Variants in ZNF341 observed in about 807,000 individuals in gnomAD.
ZNF341 encodes the protein zinc finger protein 341.
In ZNF341, 52 loss-of-function variants were observed where a neutral mutation model predicts 87.7. The observed-to-expected ratio is 0.59, with a 90% CI of 0.47 to 0.75. ZNF341 has a LOEUF of 0.75. Among genes scored for constraint, ZNF341 ranks in the 30% least tolerant of loss-of-function variants. The pLI, the probability that ZNF341 is intolerant of heterozygous loss-of-function variation, is 0.00. For synonymous variants in ZNF341, 459 were observed against 472.7 expected (o/e 0.97, Z 0.38); for missense variants, 977 against 1,145.9 (o/e 0.85, Z 2.13).
At position 33,745,170 on chromosome 20, in the gene ZNF341, C is replaced by T. The variant is rs187557230; in HGVS notation, c.210C>T (p.Thr70=). 38 of 1,614,178 alleles carry T rather than the reference C, an allele frequency of 2.4e-5. No individual in the cohort carries two copies. The East Asian group carries it at 8.5e-4, about 36-fold the overall frequency. Residue 70 remains threonine, a synonymous_variant, in exon 3 of 15, where the codon ACC becomes ACT. Coordinates refer to ENST00000375200, the MANE Select transcript of ZNF341 (RefSeq NM_001282933.2). ...KQFNSLPAFM[T]HKREQCQGNA... The stretch of plus-strand genomic sequence containing the variant: ...TCAACTCGCTGCCAGCGTTTATGAC[C>T]CACAAGCGGGAACAGTGCCAGGGGA...
At chr20:33,752,108 G>GC (rs11477069) in intron 4 of ZNF341, 22,458 of 341,092 alleles carry the variant, frequency 0.066, 448 homozygotes, top group East Asian at 0.087. Context: ...CTGCAAGCAA[G>GC]CCCCCCCCCC....
At chr20:33,771,080 T>C (rs1012420329) in intron 10 of ZNF341, among the ~76,000 whole-genome samples, 1 of 151,830 alleles carries the variant, frequency 6.6e-6, no homozygotes, top group Non-Finnish European at 1.5e-5. Context: ...TGAGACCGTG[T>C]CACTGCACTC....
intron 1 of ZNF341, among the ~76,000 whole-genome samples, chr20:33,736,916 TGA>T (rs989743807): frequency 6.6e-6 from 1 of 151,444 alleles, no homozygotes; most frequent in African/African-American, 2.4e-5. Context: ...GAGGCAGAGG[TGA>T]GAGAGTCCAG....
intron 1 of ZNF341, among the ~76,000 whole-genome samples, chr20:33,736,434 C>T (rs2018686401): frequency 6.6e-6 from 1 of 152,148 alleles, no homozygotes; most frequent in Non-Finnish European, 1.5e-5. Flanking sequence ...AATAGCCCTT[C>T]CCCAAAACTA....
chr20:33,783,708 C>T, intron 11 of ZNF341, 24 bp from the exon 12 acceptor site: 1 of 1,613,620 alleles, frequency 6.2e-7, no homozygotes, highest in South Asian at 1.1e-5. Flanking sequence ...TGAGTCAGAC[C>T]TGAAGGCCCC....
At chr20:33,782,871 A>C (rs2019771619) in intron 11 of ZNF341, among the ~76,000 whole-genome samples, 1 of 152,202 alleles carries the variant, frequency 6.6e-6, no homozygotes, top group Non-Finnish European at 1.5e-5. Context: ...TCATACAAAA[A>C]TTAGCTGGGT....
intron 12 of ZNF341, among the ~76,000 whole-genome samples, chr20:33,784,454 G>T (rs1287301713): frequency 1.9e-5 from 1 of 52,994 alleles, no homozygotes; most frequent in Non-Finnish European, 3.4e-5. Flanking sequence ...CCTCTCTGTC[G>T]CTGTCTGTCT....
In ZNF341 at chr20:33,788,810, C is replaced by A. The variant is rs536733130; in HGVS notation, c.1853-53C>A. 4 of 1,532,210 alleles carry A rather than the reference C, an allele frequency of 2.6e-6. No homozygotes were observed. The South Asian group carries it at 4.5e-5, about 17-fold the overall frequency. 94.9% of individuals were successfully genotyped at this position (1,532,210 alleles called of 1,614,324 possible). On this transcript the variant is annotated intron_variant, in intron 12 of 14. Coordinates refer to ENST00000375200, the MANE Select transcript of ZNF341 (RefSeq NM_001282933.2). Reference sequence around the variant, plus strand: ...GGGGCCCAGCGGGGACCCTTGTGCCCTGGATGCCGACTCCTGGTGAGTGCT... The same window carrying A: ...GGGGCCCAGCGGGGACCCTTGTGCCATGGATGCCGACTCCTGGTGAGTGCT...
rs1162600654 is a variant in ZNF341, at chr20:33,732,096, GC to G, written c.31+49del. ...GGCGGAGGCGGCTGTTCCGCGCTGC[GC>G]CCCCTCCCGCCGCGCCCTCGCAGCG... On this transcript the variant is annotated intron_variant, in intron 1 of 14. Coordinates refer to ENST00000375200, the MANE Select transcript of ZNF341 (RefSeq NM_001282933.2). The surrounding 1 kb of genome is among the most constrained non-coding windows in gnomAD (Gnocchi z 4.5). The G allele has an allele frequency of 2.5e-6, 3 of 1,183,832 alleles. No individual in the cohort carries two copies. The highest frequency in any genetic ancestry group is 3.1e-6 in the Non-Finnish European group (3 of 956,076). The allele number at this position is 1,183,832 out of a possible 1,614,324, so 73.3% of individuals were successfully genotyped here. A position where few individuals can be genotyped will look rare whatever the true frequency, so the allele number is the denominator to read the frequency against.
chr20:33,748,816 G>A (rs2018993761), intron 3 of ZNF341, 107 bp from the exon 4 acceptor site: 1 of 1,156,214 alleles, frequency 8.6e-7, no homozygotes, highest in Non-Finnish European at 1.2e-6. Context: ...CATGCCCTCG[G>A]CTTACTTACA....
At position 33,774,216 on chromosome 20, in the gene ZNF341, C is replaced by T. The variant is rs1189549124; in HGVS notation, c.1622+3924C>T. 4.0e-5 allele frequency among the ~76,000 whole-genome samples: 6 copies of T among 151,722 alleles called. No homozygotes were observed. The East Asian group carries it at 7.8e-4, about 20-fold the overall frequency. On this transcript the variant is annotated intron_variant, in intron 10 of 14. Coordinates refer to ENST00000375200, the MANE Select transcript of ZNF341 (RefSeq NM_001282933.2). ...CTGAGGCAGGAGAATCGCTCAAACT[C>T]GGGAGGTGGAGGTTGCAGTGAGCCA...
chr20:33,744,791 C>T (rs1254065959), intron 2 of ZNF341, among the ~76,000 whole-genome samples: 1 of 152,030 alleles, frequency 6.6e-6, no homozygotes, highest in East Asian at 1.9e-4. Flanking sequence ...GGGGTTTCGC[C>T]ATGTTGTCCA....
intron 1 of ZNF341, among the ~76,000 whole-genome samples, chr20:33,738,283 T>C (rs1458102417): frequency 6.6e-6 from 1 of 152,094 alleles, no homozygotes; most frequent in Non-Finnish European, 1.5e-5. Context: ...AAAATAATAA[T>C]AATGATAATA....
chr20:33,743,945 T>C (rs756612115), intron 2 of ZNF341, among the ~76,000 whole-genome samples: 6 of 152,190 alleles, frequency 3.9e-5, no homozygotes, highest in Non-Finnish European at 7.3e-5. Context: ...TGTTATATGA[T>C]AGGTGTGCCA....
chr20:33,741,856 G>T (rs1251592739), intron 2 of ZNF341, among the ~76,000 whole-genome samples: 1 of 152,190 alleles, frequency 6.6e-6, no homozygotes, highest in South Asian at 2.1e-4. Flanking sequence ...CTCTGTGACC[G>T]TGGGCAAGTG....
intron 5 of ZNF341, among the ~76,000 whole-genome samples, chr20:33,755,562 C>T (rs1378891405): frequency 1.4e-5 from 2 of 147,256 alleles, no homozygotes; most frequent in Admixed American, 6.8e-5. Context: ...AATATTTTTT[C>T]AACTTTGGGC....
chr20:33,790,944 G>C, intron 14 of ZNF341, 44 bp from the exon 15 acceptor site: 1 of 1,572,360 alleles, frequency 6.4e-7, no homozygotes, highest in South Asian at 1.2e-5. Context: ...CTGTTGCGGG[G>C]TGAAGGTCTG....
At chr20:33,774,733 C>G (rs7264598) in intron 10 of ZNF341, among the ~76,000 whole-genome samples, 5,299 of 152,102 alleles carry the variant, frequency 0.035, 291 homozygotes, top group African/African-American at 0.12. Context: ...TGTGGGAGGC[C>G]GAGGCAGGCA....
intron 7 of ZNF341, among the ~76,000 whole-genome samples, chr20:33,761,306 C>G (rs773285371): frequency 2.0e-5 from 3 of 152,094 alleles, no homozygotes; most frequent in Non-Finnish European, 2.9e-5. Context: ...ACTCTGTCAC[C>G]CAGGCTGGAG....
Sources: gnomAD v4.1 joint callset for allele counts (sites outside exome capture counted in the v4.1 genomes callset) on GRCh38, gnomAD v4.1.1 for gene constraint, Gnocchi (gnomAD v3.1) non-coding constraint, MANE v1.5 for transcripts, NCBI Gene and HGNC (gene_info 2026-07-23, HGNC 2026-07-21) for gene names.